ELAC2: variants seen among roughly 807,000 people sequenced by gnomAD.
ELAC2 encodes elaC ribonuclease Z 2.
In ELAC2, 92 loss-of-function variants were observed where a neutral mutation model predicts 105.2. That is an observed-to-expected ratio of 0.87 (90% CI 0.74 to 1.04). The LOEUF (loss-of-function observed/expected upper bound fraction) is 1.04, where lower values mean the gene tolerates loss of function less well. Among genes scored for constraint, ELAC2 ranks in the 50% least tolerant of loss-of-function variants. The pLI is 0.00. For missense variants in ELAC2, 1,099 were observed against 1,071.7 expected (o/e 1.03, Z -0.36); for synonymous variants, 468 against 409.1 (o/e 1.14, Z -1.74).
At chr17:13,002,874 C>A in intron 12 of ELAC2, 1 of 480,724 alleles carries the variant, frequency 2.1e-6, no homozygotes, top group Non-Finnish European at 3.8e-6. Flanking sequence ...ATGAAAGAGA[C>A]AGCAGGAGAG....
At position 12,996,539 on chromosome 17, in the gene ELAC2, A is replaced by G. The variant is rs1358037561; in HGVS notation, c.1659+8T>C. On this transcript the variant is annotated splice_region_variant and intron_variant, in intron 17 of 23. Coordinates refer to ENST00000338034, the MANE Select transcript of ELAC2 (RefSeq NM_018127.7). Reference sequence around the variant, plus strand: ...GGCTCCAGCTTTGTGGTCCAGCCCAACACTCACCGTGTGGTGATCTGCGTG... The same window carrying G: ...GGCTCCAGCTTTGTGGTCCAGCCCAGCACTCACCGTGTGGTGATCTGCGTG... 1.9e-6 allele frequency: 3 copies of G among 1,613,690 alleles called. No individual in the cohort carries two copies. The highest frequency in any genetic ancestry group is 2.5e-6 in the Non-Finnish European group (3 of 1,180,038).
At chr17:13,015,204 G>A (rs1486696771) in intron 4 of ELAC2, among the ~76,000 whole-genome samples, 4 of 152,232 alleles carry the variant, frequency 2.6e-5, no homozygotes, top group Non-Finnish European at 5.9e-5. Context: ...GGAGGCTATT[G>A]TAGTTTACAG....
At chr17:13,012,784 C>T (rs765651210) in intron 6 of ELAC2, among the ~76,000 whole-genome samples, 2 of 152,248 alleles carry the variant, frequency 1.3e-5, no homozygotes, top group African/African-American at 4.8e-5. Context: ...CCTGATACTT[C>T]GGAATTTGCA....
At chr17:13,003,901 C>T (rs2040968109) in intron 11 of ELAC2, 1 of 318,262 alleles carries the variant, frequency 3.1e-6, no homozygotes, top group Admixed American at 4.5e-5. Context: ...CCAGGCTCTC[C>T]CTGCCTCCTC....
chr17:13,017,599 A>C (rs1232471506), intron 1 of ELAC2, 104 bp downstream of exon 1: 11 of 1,576,860 alleles, frequency 7.0e-6, no homozygotes, highest in Non-Finnish European at 8.6e-6. Flanking sequence ...ACAGTGAACC[A>C]CATGTGTGAA....
chr17:13,011,759 G>A lies in ELAC2; in HGVS notation c.583C>T (p.Gln195Ter), dbSNP rs2041426710. Residue 195 changes from glutamine (Q) to a stop codon, truncating the protein, a stop_gained, in exon 7 of 24, where the codon CAA (glutamine) becomes TAA (stop). Transcript: ENST00000338034. LOFTEE classifies it high-confidence loss of function. The stretch of plus-strand genomic sequence containing the variant: ...GGCCTTTCTGGACTCTGCCATGGTT[G>A]GTGCTTTCCCCTCCTCTGTTCACCT... ...IHSEQRRGKH[Q>*]PWQSPERPLS... The A allele has an allele frequency of 1.9e-6, 3 of 1,614,016 alleles. No homozygotes were observed. Among genetic ancestry groups the A allele is most frequent in the Admixed American group, 3.3e-5 (2 of 59,986 alleles).
At chr17:13,007,353 C>T (rs999922314) in intron 8 of ELAC2, among the ~76,000 whole-genome samples, 12 of 152,066 alleles carry the variant, frequency 7.9e-5, no homozygotes. Flanking sequence ...AAGAGTTACT[C>T]GTAGGGCTGA....
At chr17:13,013,690 AC>A (rs1391460021) in intron 5 of ELAC2, among the ~76,000 whole-genome samples, 1 of 152,172 alleles carries the variant, frequency 6.6e-6, no homozygotes, top group Non-Finnish European at 1.5e-5. Flanking sequence ...ACAGATACAC[AC>A]CAGTGCCAGG....
At position 13,013,262 on chromosome 17, in the gene ELAC2, G is replaced by A; in HGVS notation, c.504C>T (p.His168=). ...LKGIELAVRP[H]SAPEYEDETM... The stretch of plus-strand genomic sequence containing the variant: ...TTTCATCCTCGTATTCTGGGGCAGA[G>A]TGGGGCCGCACAGCTACAAGAAAAC... Residue 168 remains histidine (H), a synonymous_variant, in exon 6 of 24, where the codon CAC becomes CAT. Coordinates refer to ENST00000338034, the MANE Select transcript of ELAC2 (RefSeq NM_018127.7). 1.9e-6 allele frequency: 3 copies of A among 1,614,170 alleles called. No homozygotes were observed. The highest frequency in any genetic ancestry group is 2.2e-5 in the East Asian group (1 of 44,872).
In ELAC2 at chr17:13,000,189, T is replaced by G; in HGVS notation, c.1390A>C (p.Arg464=). 1 of 1,614,022 alleles carries G rather than the reference T, an allele frequency of 6.2e-7. No homozygotes were observed. The highest frequency in any genetic ancestry group is 8.5e-7 in the Non-Finnish European group (1 of 1,180,044). The part of the protein sequence containing the change: ...PNFQQSVQEY[R]RSAQDGPAPA... ...GCTGGGCCGTCCTGCGCACTCCTCC[T>G]GTACTCCTGCACGCTCTGCTGGAAG... The change falls in exon 15 of 24, where the codon AGG becomes CGG. Residue 464 remains arginine (R), a synonymous_variant. Coordinates refer to ENST00000338034, the MANE Select transcript of ELAC2 (RefSeq NM_018127.7).
chr17:12,998,603 G>A, intron 15 of ELAC2, 95 bp from the exon 16 acceptor site: 1 of 1,201,578 alleles, frequency 8.3e-7, no homozygotes, highest in Non-Finnish European at 1.2e-6. Context: ...AGTGTCATTG[G>A]TTTGTCCCCA....
chr17:12,995,930 C>A lies in ELAC2; in HGVS notation c.1698+10G>T, dbSNP rs1396829637. On this transcript the variant is annotated intron_variant, in intron 18 of 23. Transcript: ENST00000338034. The stretch of plus-strand genomic sequence containing the variant: ...TGAAACTCAGAACGCCCATCAAGTG[C>A]CACACTTACCAAGGCGCGTTCTCTC... 2 of 1,593,024 alleles carry A rather than the reference C, an allele frequency of 1.3e-6. No homozygotes were observed. Among genetic ancestry groups the A allele is most frequent in the African/African-American group, 1.3e-5 (1 of 74,664 alleles).
rs148050183 is a variant in ELAC2, at chr17:12,995,771, G to A, written c.1740C>T (p.Ala580=). ...GKPLHPLLVV[A]PNQLKAWLQQ... ...GGAGCCAGGCTTTGAGCTGGTTGGG[G>A]GCAACCACCAGCAAAGGGTGAAGCG... Residue 580 remains alanine, a synonymous_variant, in exon 19 of 24, where the codon GCC becomes GCT. Coordinates refer to ENST00000338034, the MANE Select transcript of ELAC2 (RefSeq NM_018127.7). 70 of 1,612,864 alleles carry A rather than the reference G, an allele frequency of 4.3e-5. No homozygotes were observed. In the African/African-American group the frequency reaches 9.2e-4, roughly 21 times the overall value.
intron 15 of ELAC2, among the ~76,000 whole-genome samples, chr17:12,998,744 A>G (rs976585148): frequency 1.3e-5 from 2 of 152,092 alleles, no homozygotes; most frequent in African/African-American, 2.4e-5. Flanking sequence ...GGCTCTCAGG[A>G]GACTGCATTA....
intron 3 of ELAC2, among the ~76,000 whole-genome samples, chr17:13,016,421 C>T (rs1174495026): frequency 1.3e-5 from 2 of 152,150 alleles, no homozygotes; most frequent in Non-Finnish European, 2.9e-5. Flanking sequence ...GAGGTGGTAT[C>T]CATATTAAAA....
chr17:12,998,508 T>C lies in ELAC2; in HGVS notation c.1424A>G (p.Glu475Gly). 1 of 1,613,952 alleles carries C rather than the reference T, an allele frequency of 6.2e-7. No homozygotes were observed. Among genetic ancestry groups the C allele is most frequent in the Non-Finnish European group, 8.5e-7 (1 of 1,179,800 alleles). ...GATTTCTGGGTACTGACTTCTTTTC[T>C]CTGTGAAAAAATCCATGTGAAACAA... ...RSAQDGPAPA[E>G]KRSQYPEIIF... The change falls in exon 16 of 24, where the codon GAG (glutamate) becomes GGG (glycine). Residue 475 changes from glutamate to glycine, a missense_variant and splice_region_variant. Physicochemically the swap from Glu to Gly is moderately conservative, Grantham distance 98 (BLOSUM62 -2). Coordinates refer to ENST00000338034, the MANE Select transcript of ELAC2 (RefSeq NM_018127.7).
chr17:13,013,859 C>G (rs1404147724), intron 5 of ELAC2, among the ~76,000 whole-genome samples: 1 of 152,054 alleles, frequency 6.6e-6, no homozygotes, highest in African/African-American at 2.4e-5. Context: ...AACTCAACGA[C>G]GAGAAGCACC....
In ELAC2 at chr17:12,995,997, A is replaced by G; in HGVS notation, c.1660-19T>C. 1 of 1,586,838 alleles carries G rather than the reference A, an allele frequency of 6.3e-7. No individual in the cohort carries two copies. Among genetic ancestry groups the G allele is most frequent in the Non-Finnish European group, 8.6e-7 (1 of 1,164,940 alleles). ...GCAAGCCCTGGCAAGGAAACAGGAG[A>G]CATGCGTCAGCCAGGCCCCAGGGCC... On this transcript the variant is annotated intron_variant, in intron 17 of 23. Transcript: ENST00000338034.
intron 8 of ELAC2, among the ~76,000 whole-genome samples, chr17:13,007,998 C>G (rs1010635711): frequency 6.6e-6 from 1 of 151,850 alleles, no homozygotes; most frequent in African/African-American, 2.4e-5. Flanking sequence ...GTCAGGAGTT[C>G]GAGACTAGCC....
Sources: allele counts gnomAD v4.1 joint callset (sites outside exome capture counted in the v4.1 genomes callset), GRCh38; gene constraint gnomAD v4.1.1; transcripts MANE v1.5; gene names NCBI Gene and HGNC (gene_info 2026-07-23, HGNC 2026-07-21).